The following STK10 variants were observed in gnomAD, a reference collection of about 807,000 sequenced individuals.
STK10 encodes the protein serine/threonine kinase 10.
A neutral mutation model predicts 113.8 loss-of-function variants in STK10; 78 were observed. The ratio of observed to expected loss-of-function variants is 0.69; its 90% CI spans 0.57 to 0.83. The LOEUF (loss-of-function observed/expected upper bound fraction) is 0.83. Ranked by LOEUF, STK10 falls within the 40% of genes least tolerant of loss-of-function variation. The pLI, the probability that STK10 is intolerant of heterozygous loss-of-function variation, is 0.00. For synonymous variants in STK10, 465 were observed against 494.7 expected (o/e 0.94, Z 0.80); for missense variants, 1,109 against 1,280.1 (o/e 0.87, Z 2.04).
chr5:172,089,951 G>T (rs891155458), intron 10 of STK10, among the ~76,000 whole-genome samples: 14 of 152,186 alleles, frequency 9.2e-5, no homozygotes, highest in African/African-American at 2.7e-4. Context: ...AGGGGTGAGT[G>T]GGTGGAAGGA....
intron 1 of STK10, among the ~76,000 whole-genome samples, chr5:172,172,549 T>G (rs1314537267): frequency 6.6e-6 from 1 of 152,206 alleles, no homozygotes; most frequent in African/African-American, 2.4e-5. Flanking sequence ...TATGTCCCAC[T>G]GTGAGAGGCA....
intron 1 of STK10, among the ~76,000 whole-genome samples, chr5:172,157,673 C>T (rs1182418766): frequency 6.6e-6 from 1 of 152,074 alleles, no homozygotes; most frequent in East Asian, 1.9e-4. Context: ...TTACTGCAGC[C>T]TCCGCCTTCT....
At chr5:172,142,903 G>A (rs569494618) in intron 2 of STK10, among the ~76,000 whole-genome samples, 89 of 152,286 alleles carry the variant, frequency 5.8e-4, no homozygotes, top group Non-Finnish European at 4.4e-5. Flanking sequence ...GGGGGGAAAG[G>A]CCCCTCTGCT....
intron 1 of STK10, among the ~76,000 whole-genome samples, chr5:172,158,885 A>AG (rs1440015409): frequency 1.3e-4 from 20 of 152,296 alleles, no homozygotes; most frequent in Middle Eastern, 6.8e-3. Flanking sequence ...GGGGTTAGAA[A>AG]GGGGAAATGG....
chr5:172,114,468 TA>T lies in STK10; in HGVS notation c.520+3012del, dbSNP rs1410035399. 161 of 40,204 alleles carry T rather than the reference TA, an allele frequency of 4.0e-3. 1 individual carries two copies. Among genetic ancestry groups the T allele is most frequent in the African/African-American group, 0.018 (151 of 8,624 alleles). 2.5% of individuals were successfully genotyped at this position (40,204 alleles called of 1,614,324 possible). Reference sequence around the variant, plus strand: ...TTAAAATTATATATATATATATATATATATATTTTTTTTTTTTTTTTTTTTT... The same window carrying T: ...TTAAAATTATATATATATATATATATTATATTTTTTTTTTTTTTTTTTTTT... On this transcript the variant is annotated intron_variant, in intron 4 of 18. Transcript: ENST00000176763.
chr5:172,085,245 T>C (rs1452711370), intron 10 of STK10, among the ~76,000 whole-genome samples: 1 of 149,308 alleles, frequency 6.7e-6, no homozygotes, highest in Non-Finnish European at 1.5e-5. Context: ...GATCCTGTGT[T>C]AAAAAAAGAA....
chr5:172,155,773 T>C (rs1337236680), intron 2 of STK10, among the ~76,000 whole-genome samples: 1 of 151,804 alleles, frequency 6.6e-6, no homozygotes, highest in South Asian at 2.1e-4. Context: ...GGCCAGCGGA[T>C]CACCTGAGGT....
intron 2 of STK10, among the ~76,000 whole-genome samples, chr5:172,153,952 T>C (rs952160257): frequency 1.3e-5 from 2 of 152,236 alleles, no homozygotes; most frequent in African/African-American, 4.8e-5. Flanking sequence ...CCACATCACA[T>C]CCTTGGGCTT....
At chr5:172,175,334 G>A (rs1484509206) in intron 1 of STK10, among the ~76,000 whole-genome samples, 1 of 152,098 alleles carries the variant, frequency 6.6e-6, no homozygotes, top group Non-Finnish European at 1.5e-5. Context: ...GCATCACAGG[G>A]GAAGCAGAGA....
At chr5:172,186,868 C>G (rs1258231371) in intron 1 of STK10, among the ~76,000 whole-genome samples, 2 of 152,034 alleles carry the variant, frequency 1.3e-5, no homozygotes, top group Non-Finnish European at 2.9e-5. Flanking sequence ...GAGGAGAAGG[C>G]CTGGAGAAGC....
intron 7 of STK10, among the ~76,000 whole-genome samples, chr5:172,097,459 C>T (rs1196391059): frequency 3.3e-5 from 5 of 152,228 alleles, no homozygotes; most frequent in Non-Finnish European, 2.9e-5. Flanking sequence ...ACTCCCACGC[C>T]GCCAGCCTCG....
At chr5:172,125,595 G>A (rs530052924) in intron 3 of STK10, among the ~76,000 whole-genome samples, 7 of 152,242 alleles carry the variant, frequency 4.6e-5, no homozygotes, top group Admixed American at 2.0e-4. Context: ...ATGTTGGCCA[G>A]GCTGGTTTCA....
Position 172,154,349 on chromosome 5 carries a change from A to G in STK10, c.321+2275T>C, listed in dbSNP as rs894106804. ...AGGGCCTTCTACAACATGGCCCCCA[A>G]TTACTTTACCACCCTCATCTTTCAC... On this transcript the variant is annotated intron_variant, in intron 2 of 18. Coordinates refer to ENST00000176763, the MANE Select transcript of STK10 (RefSeq NM_005990.4). 2.6e-5 allele frequency among the ~76,000 whole-genome samples: 4 copies of G among 152,178 alleles called. No homozygotes were observed. The South Asian group carries it at 8.3e-4, about 32-fold the overall frequency.
chr5:172,181,833 C>G (rs1387923271), intron 1 of STK10, among the ~76,000 whole-genome samples: 1 of 151,048 alleles, frequency 6.6e-6, no homozygotes, highest in Non-Finnish European at 1.5e-5. Flanking sequence ...AAATAAAACA[C>G]TACAGATACA....
At chr5:172,185,671 T>C (rs529849204) in intron 1 of STK10, among the ~76,000 whole-genome samples, 1 of 152,336 alleles carries the variant, frequency 6.6e-6, no homozygotes, top group East Asian at 1.9e-4. Context: ...GCCCTCACAG[T>C]AGTCAGAGCA....
intron 1 of STK10, among the ~76,000 whole-genome samples, chr5:172,179,187 A>C (rs1770809338): frequency 6.6e-6 from 1 of 152,096 alleles, no homozygotes; most frequent in Non-Finnish European, 1.5e-5. Flanking sequence ...CAGATGCTAA[A>C]CACATCACCT....
chr5:172,056,352 T>G (rs962826981), intron 15 of STK10, among the ~76,000 whole-genome samples: 6 of 152,200 alleles, frequency 3.9e-5, no homozygotes, highest in Non-Finnish European at 7.3e-5. Context: ...TGTCCCACTA[T>G]GGAGGCTGAA....
At chr5:172,068,339 C>CA (rs61021036) in intron 12 of STK10, among the ~76,000 whole-genome samples, 54,005 of 142,696 alleles carry the variant, frequency 0.38, 9,779 homozygotes, top group Admixed American at 0.41. Flanking sequence ...GACTCTGTCT[C>CA]AAAAAAAAAA....
At chr5:172,114,514 ACT>A (rs1418517196) in intron 4 of STK10, 5 of 93,870 alleles carry the variant, frequency 5.3e-5, no homozygotes, top group Non-Finnish European at 9.5e-5. Flanking sequence ...ACGGAGTCTC[ACT>A]CTGTCGCCCA....
Sources: gnomAD v4.1 joint callset for allele counts (sites outside exome capture counted in the v4.1 genomes callset) on GRCh38, gnomAD v4.1.1 for gene constraint, MANE v1.5 for transcripts, NCBI Gene and HGNC (gene_info 2026-07-23, HGNC 2026-07-21) for gene names.